Variants in NRG3 observed in about 807,000 individuals in gnomAD.
NRG3 encodes the protein pro-neuregulin-3, membrane-bound isoform.
A neutral mutation model predicts 66.9 loss-of-function variants in NRG3; 31 were observed. The ratio of observed to expected loss-of-function variants is 0.46; its 90% CI spans 0.35 to 0.63. The LOEUF is 0.63. NRG3 is among the 20% of genes least tolerant of loss of function. NRG3 has a pLI of 0.00. For missense variants in NRG3, 910 were observed against 878.9 expected, an observed-to-expected ratio of 1.04 and a Z score of -0.45; for synonymous variants, 393 against 359.4, an observed-to-expected ratio of 1.09 and a Z score of -1.06.
At chr10:82,843,221 CA>C in intron 3 of NRG3, 1 of 453,848 alleles carries the variant, frequency 2.2e-6, no homozygotes, top group South Asian at 1.6e-5. Flanking sequence ...GTCATTATAA[CA>C]GTATTACGAA....
chr10:82,546,488 A>G (rs538660809), intron 2 of NRG3, among the ~76,000 whole-genome samples: 1 of 152,278 alleles, frequency 6.6e-6, no homozygotes, highest in South Asian at 2.1e-4. Context: ...TGCCTTCTTT[A>G]TATGTGTTAA....
intron 1 of NRG3, among the ~76,000 whole-genome samples, chr10:82,097,086 A>G (rs1167670892): frequency 6.6e-6 from 1 of 152,058 alleles, no homozygotes; most frequent in Non-Finnish European, 1.5e-5. Context: ...TTACCCATTT[A>G]TAGTTAATTC....
At chr10:82,127,539 A>C (rs1348016655) in intron 1 of NRG3, among the ~76,000 whole-genome samples, 2 of 152,026 alleles carry the variant, frequency 1.3e-5, no homozygotes, top group Non-Finnish European at 2.9e-5. Flanking sequence ...TCTAAAACTC[A>C]TGTTATCACC....
At chr10:82,750,741 C>T (rs1221650069) in intron 3 of NRG3, among the ~76,000 whole-genome samples, 2 of 152,134 alleles carry the variant, frequency 1.3e-5, no homozygotes, top group African/African-American at 4.8e-5. Context: ...GCTGAGTCCA[C>T]ATTTTAGCCA....
chr10:82,897,047 C>G (rs902858036), intron 4 of NRG3, among the ~76,000 whole-genome samples: 4 of 152,150 alleles, frequency 2.6e-5, no homozygotes, highest in Admixed American at 1.3e-4. Flanking sequence ...AGACCACCAA[C>G]TTGGGAAACT....
chr10:82,755,951 A>G (rs1838575845), intron 3 of NRG3, among the ~76,000 whole-genome samples: 1 of 152,092 alleles, frequency 6.6e-6, no homozygotes, highest in Non-Finnish European at 1.5e-5. Context: ...ATATTGACCA[A>G]TATTTCATAC....
intron 1 of NRG3, among the ~76,000 whole-genome samples, chr10:82,249,868 G>A (rs186306686): frequency 4.5e-4 from 68 of 152,256 alleles, no homozygotes; most frequent in South Asian, 1.2e-3. Context: ...CACTTGATTC[G>A]TTTTTGTCAG....
chr10:82,099,982 C>CT (rs2066623768), intron 1 of NRG3, among the ~76,000 whole-genome samples: 2 of 68,662 alleles, frequency 2.9e-5, no homozygotes, highest in African/African-American at 9.7e-5. Context: ...TACCCTGTCT[C>CT]TAATATATAT....
At chr10:82,366,670 T>G (rs1287736209) in intron 2 of NRG3, among the ~76,000 whole-genome samples, 5 of 152,322 alleles carry the variant, frequency 3.3e-5, no homozygotes, top group African/African-American at 1.2e-4. Context: ...GGCTGTTGAC[T>G]TTTTTATTTT....
At chr10:82,142,276 T>C (rs955941107) in intron 1 of NRG3, among the ~76,000 whole-genome samples, 6 of 152,196 alleles carry the variant, frequency 3.9e-5, no homozygotes, top group African/African-American at 1.4e-4. Context: ...GTACTCAACC[T>C]GTTCTCTAAC....
intron 1 of NRG3, among the ~76,000 whole-genome samples, chr10:82,123,530 C>T (rs1354692647): frequency 6.6e-6 from 1 of 152,088 alleles, no homozygotes; most frequent in Non-Finnish European, 1.5e-5. Flanking sequence ...GACGGATAAC[C>T]CTGCTGAGGA....
At chr10:82,407,795 G>T (rs1219834876) in intron 2 of NRG3, among the ~76,000 whole-genome samples, 1 of 152,096 alleles carries the variant, frequency 6.6e-6, no homozygotes, top group Non-Finnish European at 1.5e-5. Context: ...TATAGGCCGG[G>T]TGTGGTGGCT....
intron 2 of NRG3, among the ~76,000 whole-genome samples, chr10:82,359,212 A>G (rs2083968383): frequency 1.3e-5 from 2 of 152,198 alleles, no homozygotes; most frequent in African/African-American, 2.4e-5. Context: ...CTCAGAAATA[A>G]TCTGTTCTTG....
At chr10:82,790,420 A>G (rs148205294) in intron 3 of NRG3, among the ~76,000 whole-genome samples, 168 of 152,070 alleles carry the variant, frequency 1.1e-3, no homozygotes, top group African/African-American at 3.7e-3. Context: ...CGTGGCTTCT[A>G]TGGTATCTAA....
chr10:81,975,553 G>A (rs2060093361), intron 1 of NRG3, among the ~76,000 whole-genome samples: 1 of 151,968 alleles, frequency 6.6e-6, no homozygotes, highest in Non-Finnish European at 1.5e-5. Flanking sequence ...AAAGGGAAAG[G>A]CAGGCCACAA....
At chr10:82,215,278 A>G (rs2075608142) in intron 1 of NRG3, among the ~76,000 whole-genome samples, 1 of 152,178 alleles carries the variant, frequency 6.6e-6, no homozygotes, top group African/African-American at 2.4e-5. Flanking sequence ...GTGATAGCAA[A>G]TGGAACAATA....
chr10:82,137,740 G>A (rs554776068), intron 1 of NRG3, among the ~76,000 whole-genome samples: 1 of 152,276 alleles, frequency 6.6e-6, no homozygotes, highest in Non-Finnish European at 1.5e-5. Flanking sequence ...AATTTGTTAT[G>A]CATCCACTCT....
At chr10:82,585,654 G>C (rs1309005108) in intron 2 of NRG3, among the ~76,000 whole-genome samples, 1 of 152,110 alleles carries the variant, frequency 6.6e-6, no homozygotes, top group East Asian at 1.9e-4. Flanking sequence ...CCTGTTTTGA[G>C]GGTATTATTT....
chr10:82,582,661 G>C (rs1417631042), intron 2 of NRG3, among the ~76,000 whole-genome samples: 2 of 122,668 alleles, frequency 1.6e-5, no homozygotes, highest in Admixed American at 8.6e-5. Flanking sequence ...ATCTATATGT[G>C]TTGTGTGTGT....
Sources: gnomAD v4.1 joint callset for allele counts (sites outside exome capture counted in the v4.1 genomes callset) on GRCh38, gnomAD v4.1.1 for gene constraint, MANE v1.5 for transcripts, NCBI Gene and HGNC (gene_info 2026-07-23, HGNC 2026-07-21) for gene names.